Variants in DENND2B observed in about 807,000 individuals in gnomAD.
DENND2B encodes DENN domain-containing protein 2B.
In DENND2B, 32 loss-of-function variants were observed where a neutral mutation model predicts 116.0. That is an observed-to-expected ratio of 0.28 (90% CI 0.21 to 0.37). The LOEUF (loss-of-function observed/expected upper bound fraction) is 0.37, where lower values mean the gene tolerates loss of function less well. Among genes scored for constraint, DENND2B ranks in the 10% least tolerant of loss-of-function variants. The pLI is 1.00. For missense variants in DENND2B, 1,276 were observed against 1,477.7 expected, an observed-to-expected ratio of 0.86 and a Z score of 2.24; for synonymous variants, 588 against 583.9, an observed-to-expected ratio of 1.01 and a Z score of -0.10.
At chr11:8,740,985 C>T (rs1355400892) in intron 2 of DENND2B, among the ~76,000 whole-genome samples, 1 of 152,216 alleles carries the variant, frequency 6.6e-6, no homozygotes, top group Non-Finnish European at 1.5e-5. Flanking sequence ...AAGACATAGA[C>T]ATCCCATTCC....
intron 1 of DENND2B, among the ~76,000 whole-genome samples, chr11:8,783,506 T>TG (rs1430752405): frequency 6.6e-6 from 1 of 152,114 alleles, no homozygotes; most frequent in Non-Finnish European, 1.5e-5. Context: ...GATGGCACTT[T>TG]GGGGGAAAAA....
Position 8,730,056 on chromosome 11 carries a change from G to A in DENND2B, c.1234C>T (p.Pro412Ser), listed in dbSNP as rs2047844366. 6.2e-7 allele frequency: 1 copy of A among 1,614,082 alleles called. No individual in the cohort carries two copies. The highest frequency in any genetic ancestry group is 1.7e-5 in the Admixed American group (1 of 60,002). The change falls in exon 3 of 20, where the codon CCT becomes TCT. Residue 412 changes from proline (P) to serine (S), a missense_variant. By Grantham distance (74) the Pro-to-Ser change is moderately conservative (BLOSUM62 -1). Around this residue, in one of 2 missense-constraint regions of DENND2B, gnomAD observed 856 missense variants for 846.6 expected, o/e 1.01. Transcript: ENST00000313726. This position sits in a 1 kb window ranked among gnomAD's most constrained non-coding sequence, Gnocchi z 4.1. ...GGTGGAGCAGCAGGTGTGGGTGAAG[G>A]AGGTAGACCATTACTGGGCTTACTC... ...PKSKPSNGLP[P>S]SPTPAAPPPL...
chr11:8,804,567 C>T (rs2060664109), intron 1 of DENND2B, among the ~76,000 whole-genome samples: 2 of 6,364 alleles, frequency 3.1e-4, no homozygotes, highest in African/African-American at 5.8e-4. Context: ...TTTTTTGAGA[C>T]GAAGTCTTGC....
intron 1 of DENND2B, among the ~76,000 whole-genome samples, chr11:8,796,487 C>A (rs1339032092): frequency 1.3e-5 from 2 of 152,162 alleles, no homozygotes; most frequent in Non-Finnish European, 2.9e-5. Context: ...TGCAGTGAGC[C>A]AAGACCATGC....
chr11:8,774,556 C>G (rs1565918389), intron 1 of DENND2B, among the ~76,000 whole-genome samples: 1 of 152,180 alleles, frequency 6.6e-6, no homozygotes, highest in African/African-American at 2.4e-5. Flanking sequence ...TTCAGTAGCA[C>G]CACTACCATC....
rs1178419227 is a variant in DENND2B at position 8,702,047 on chromosome 11, C to T, written c.2720+525G>A. Among the ~76,000 whole-genome samples the T allele has an allele frequency of 6.6e-6, 1 of 152,128 alleles. No individual in the cohort carries two copies. Among genetic ancestry groups the T allele is most frequent in the African/African-American group, 2.4e-5 (1 of 41,416 alleles). ...CCATCACATCCTTCTCCCCAGCCCT[C>T]CCATTGCCCAGCCCTGGGCCACTGC... On this transcript the variant is annotated intron_variant, in intron 14 of 19. Transcript: ENST00000313726. The surrounding 1 kb of genome is among the most constrained non-coding windows in gnomAD (Gnocchi z 4.6).
intron 13 of DENND2B, among the ~76,000 whole-genome samples, chr11:8,705,515 T>C (rs1441969915): frequency 6.6e-6 from 1 of 152,180 alleles, no homozygotes; most frequent in African/African-American, 2.4e-5. Context: ...TCCCCAGGAC[T>C]GAGGAGGACC....
chr11:8,807,501 A>C (rs1166166860), intron 1 of DENND2B, among the ~76,000 whole-genome samples: 1 of 152,176 alleles, frequency 6.6e-6, no homozygotes, highest in Non-Finnish European at 1.5e-5. Context: ...GAACCAGCAG[A>C]ACCAAGGGTG....
upstream of DENND2B, among the ~76,000 whole-genome samples, chr11:8,873,982 A>G (rs182200026): frequency 9.8e-5 from 15 of 152,306 alleles, no homozygotes; most frequent in Admixed American, 9.8e-4. Flanking sequence ...AAGCGCTTGT[A>G]GGAGGAATTT....
intron 4 of DENND2B, among the ~76,000 whole-genome samples, chr11:8,836,942 C>G (rs1228168676): frequency 1.3e-5 from 2 of 152,216 alleles, no homozygotes; most frequent in Admixed American, 6.5e-5. Context: ...TCTGGAACTC[C>G]TGGGATCAAG....
chr11:8,864,649 T>G (rs1173583922), intron 2 of DENND2B, among the ~76,000 whole-genome samples: 1 of 152,086 alleles, frequency 6.6e-6, no homozygotes, highest in African/African-American at 2.4e-5. Flanking sequence ...AGAAAGGTAA[T>G]AAGAGAATAA....
intron 1 of DENND2B, among the ~76,000 whole-genome samples, chr11:8,760,513 G>A (rs1471260455): frequency 6.6e-6 from 1 of 152,120 alleles, no homozygotes; most frequent in African/African-American, 2.4e-5. Flanking sequence ...AGCTACTTGG[G>A]AGCCTGAGGT....
In DENND2B at chr11:8,698,166, A is replaced by AAAAAAAAAG. The variant is rs1555092981; in HGVS notation, c.2941-531_2941-530insCTTTTTTTT. ...AAAAAAAAAAAAAAAAAAAAAAAAA[A>AAAAAAAAAG]GGGGGTAGAGCCAGTGTGGCATTCA... On this transcript the variant is annotated intron_variant, in intron 16 of 19. Coordinates refer to ENST00000313726, the MANE Select transcript of DENND2B (RefSeq NM_213618.2). Among the ~76,000 whole-genome samples, 174 of 129,422 alleles carry AAAAAAAAAG rather than the reference A, an allele frequency of 1.3e-3. 4 individuals are homozygous for AAAAAAAAAG. The highest frequency in any genetic ancestry group is 1.7e-3 in the African/African-American group (57 of 33,186). 84.9% of individuals were successfully genotyped at this position (129,422 alleles called of 152,430 possible).
intron 2 of DENND2B, among the ~76,000 whole-genome samples, chr11:8,860,395 C>CAG (rs952695486): frequency 6.6e-6 from 1 of 151,732 alleles, no homozygotes; most frequent in Non-Finnish European, 1.5e-5. Context: ...TGCTATATAC[C>CAG]AACAACCACC....
At chr11:8,883,865 A>G (rs989735788) in intron 1 of DENND2B, among the ~76,000 whole-genome samples, 3 of 152,246 alleles carry the variant, frequency 2.0e-5, no homozygotes, top group Admixed American at 6.5e-5. Context: ...CTTTAGATTA[A>G]TAGAAAAACA....
intron 3 of DENND2B, among the ~76,000 whole-genome samples, chr11:8,845,905 G>A (rs929735802): frequency 6.7e-6 from 1 of 149,978 alleles, no homozygotes; most frequent in Non-Finnish European, 1.5e-5. Context: ...CTCAATAAAG[G>A]TCTGATTAAA....
upstream of DENND2B, among the ~76,000 whole-genome samples, chr11:8,873,291 T>G (rs10840139): frequency 0.19 from 29,457 of 152,244 alleles, 2,974 homozygotes; most frequent in East Asian, 0.31. Context: ...TGCTGCTGCC[T>G]CTTATATGTG....
In DENND2B at chr11:8,722,605, A is replaced by T. The variant is rs772362852; in HGVS notation, c.1477+3468T>A. 1.1e-3 allele frequency among the ~76,000 whole-genome samples: 165 copies of T among 152,204 alleles called. 1 individual carries two copies. Among genetic ancestry groups the T allele is most frequent in the Admixed American group, 7.2e-4 (11 of 15,276 alleles). On this transcript the variant is annotated intron_variant, in intron 4 of 19. Coordinates refer to ENST00000313726, the MANE Select transcript of DENND2B (RefSeq NM_213618.2). Reference sequence around the variant, plus strand: ...TCGGGCCTGTCCCCAGGGAAGGAAAAGGAAACCCACCAGAATCTAACAGAA... The same window carrying T: ...TCGGGCCTGTCCCCAGGGAAGGAAATGGAAACCCACCAGAATCTAACAGAA...
In DENND2B at chr11:8,702,964, G is replaced by A. The variant is rs2041979097; in HGVS notation, c.2572-244C>T. 1 of 521,944 alleles carries A rather than the reference G, an allele frequency of 1.9e-6. No individual in the cohort carries two copies. The highest frequency in any genetic ancestry group is 1.9e-5 in the African/African-American group (1 of 52,242). The allele number at this position is 521,944 out of a possible 1,614,324, so 32.3% of individuals were successfully genotyped here. A position where few individuals can be genotyped will look rare whatever the true frequency, so the allele number is the denominator to read the frequency against. On this transcript the variant is annotated intron_variant, in intron 13 of 19. Transcript: ENST00000313726. The surrounding 1 kb of genome is among the most constrained non-coding windows in gnomAD (Gnocchi z 4.6). ...TGTGAAAGCGGGGAAGGCTCCAGAA[G>A]GAAGGAGTTGAGGGGCCATCCATCG...
Sources: gnomAD v4.1 joint callset for allele counts (sites outside exome capture counted in the v4.1 genomes callset) on GRCh38, gnomAD v4.1.1 for gene constraint, gnomAD v4.1.1 regional missense constraint, Gnocchi (gnomAD v3.1) non-coding constraint, MANE v1.5 for transcripts, NCBI Gene and HGNC (gene_info 2026-07-23, HGNC 2026-07-21) for gene names.